Variants in TP63 observed in about 807,000 individuals in gnomAD.
TP63 encodes the protein tumor protein 63.
TP63 carries 17 observed loss-of-function variants against 82.8 expected under a neutral mutation model. That is an observed-to-expected ratio of 0.21 (90% confidence interval 0.14 to 0.31). TP63 has a LOEUF of 0.31. Ranked by LOEUF, TP63 falls within the 10% of genes least tolerant of loss-of-function variation. The pLI is 1.00. For missense variants in TP63, 648 were observed against 895.3 expected (o/e 0.72, Z 3.52); for synonymous variants, 330 against 321.7 (o/e 1.03, Z -0.28).
intron 10 of TP63, among the ~76,000 whole-genome samples, chr3:189,879,484 A>T (rs1023002357): frequency 6.6e-5 from 10 of 152,218 alleles, no homozygotes; most frequent in Admixed American, 1.3e-4. Flanking sequence ...TACTCATTAA[A>T]CAGTTCTTTG....
intron 3 of TP63, among the ~76,000 whole-genome samples, chr3:189,772,859 G>A (rs931528679): frequency 6.6e-6 from 1 of 152,170 alleles, no homozygotes; most frequent in African/African-American, 2.4e-5. Flanking sequence ...CTTCAAGGAA[G>A]AAATAAGCAG....
chr3:189,730,754 CT>C (rs1233039483), intron 1 of TP63, among the ~76,000 whole-genome samples: 1 of 152,126 alleles, frequency 6.6e-6, no homozygotes, highest in African/African-American at 2.4e-5. Context: ...GAGATTTCTC[CT>C]GCAACATTCT....
intron 1 of TP63, among the ~76,000 whole-genome samples, chr3:189,724,376 C>T (rs549783962): frequency 6.6e-6 from 1 of 152,140 alleles, no homozygotes; most frequent in Non-Finnish European, 1.5e-5. Flanking sequence ...TGTTTGGTTA[C>T]ATAAGTAAGT....
the TP63 span, among the ~76,000 whole-genome samples, chr3:189,602,048 T>C: frequency 6.6e-6 from 1 of 152,178 alleles, no homozygotes; most frequent in Non-Finnish European, 1.5e-5. Flanking sequence ...GTGTGGCTTC[T>C]AGCTTACTTC....
At chr3:189,698,191 G>A (rs1717535544) in intron 1 of TP63, among the ~76,000 whole-genome samples, 1 of 152,036 alleles carries the variant, frequency 6.6e-6, no homozygotes, top group African/African-American at 2.4e-5. Flanking sequence ...ATGTCAAGTT[G>A]AGGAATTTCT....
At chr3:189,852,076 A>C (rs1715705388) in intron 4 of TP63, among the ~76,000 whole-genome samples, 1 of 152,246 alleles carries the variant, frequency 6.6e-6, no homozygotes, top group African/African-American at 2.4e-5. Context: ...TACTCAGTTA[A>C]GACTACATGA....
chr3:189,665,548 T>C (rs1317872092), intron 1 of TP63, among the ~76,000 whole-genome samples: 1 of 152,070 alleles, frequency 6.6e-6, no homozygotes, highest in African/African-American at 2.4e-5. Flanking sequence ...TGAGGGGATA[T>C]ATCTGAAGGC....
At chr3:189,781,266 G>A (rs1724208221) in intron 3 of TP63, among the ~76,000 whole-genome samples, 2 of 152,174 alleles carry the variant, frequency 1.3e-5, no homozygotes. Context: ...CCTGAACAGT[G>A]TAGCAGAGAG....
chr3:189,875,613 T>TATATATATACACACACAC (rs1553859700), intron 10 of TP63, among the ~76,000 whole-genome samples: 2 of 105,506 alleles, frequency 1.9e-5, no homozygotes, highest in Non-Finnish European at 3.8e-5. Flanking sequence ...TATATATATA[T>TATATATATACACACACAC]ATATATATAT....
intron 1 of TP63, among the ~76,000 whole-genome samples, chr3:189,703,678 G>A (rs1717990305): frequency 6.6e-6 from 1 of 152,134 alleles, no homozygotes; most frequent in South Asian, 2.1e-4. Flanking sequence ...AAGCCAGAAA[G>A]TGCACTAACA....
the TP63 span, among the ~76,000 whole-genome samples, chr3:189,617,860 G>A: frequency 6.6e-6 from 1 of 152,188 alleles, no homozygotes; most frequent in South Asian, 2.1e-4. Flanking sequence ...TGACAACTAA[G>A]TGGGTCTTCA....
At chr3:189,887,284 A>T (rs562054565) in intron 11 of TP63, among the ~76,000 whole-genome samples, 13 of 152,240 alleles carry the variant, frequency 8.5e-5, no homozygotes, top group African/African-American at 2.9e-4. Flanking sequence ...ATTACAAAGA[A>T]GTTACTTCTC....
At chr3:189,691,575 A>G (rs919245088) in intron 1 of TP63, among the ~76,000 whole-genome samples, 1 of 152,126 alleles carries the variant, frequency 6.6e-6, no homozygotes, top group African/African-American at 2.4e-5. Context: ...ATATGTCTCA[A>G]GATATTTCCA....
At chr3:189,759,894 G>A (rs115092314) in intron 3 of TP63, among the ~76,000 whole-genome samples, 7,360 of 152,268 alleles carry the variant, frequency 0.048, 355 homozygotes, top group East Asian at 0.25. Context: ...GAGGCCTCAC[G>A]ATCATGGTGG....
chr3:189,610,123 TC>T, the TP63 span, among the ~76,000 whole-genome samples: 141 of 152,288 alleles, frequency 9.3e-4, no homozygotes, highest in Admixed American at 2.3e-3. Flanking sequence ...TCTCTAATGA[TC>T]AGTGATATTG....
At chr3:189,640,557 C>G (rs1441626631) in intron 1 of TP63, among the ~76,000 whole-genome samples, 3 of 152,044 alleles carry the variant, frequency 2.0e-5, no homozygotes, top group Admixed American at 2.0e-4. Flanking sequence ...TCATTTTTTT[C>G]TTGCTGAACA....
intron 1 of TP63, among the ~76,000 whole-genome samples, chr3:189,645,035 C>T (rs1712285169): frequency 6.6e-6 from 1 of 151,958 alleles, no homozygotes; most frequent in African/African-American, 2.4e-5. Context: ...CCTCGATATT[C>T]AGACATCCTA....
At chr3:189,749,151 CA>C (rs111879620) in intron 3 of TP63, among the ~76,000 whole-genome samples, 30 of 148,186 alleles carry the variant, frequency 2.0e-4, no homozygotes, top group Admixed American at 1.1e-3. Flanking sequence ...AAAGAACAGA[CA>C]AAAAAAAATA....
intron 1 of TP63, among the ~76,000 whole-genome samples, chr3:189,646,552 A>G (rs866768542): frequency 3.4e-5 from 5 of 147,118 alleles, no homozygotes; most frequent in Non-Finnish European, 7.4e-5. Context: ...TATTCAATAA[A>G]TGTCTAATTT....
Sources: allele counts gnomAD v4.1 joint callset (sites outside exome capture counted in the v4.1 genomes callset), GRCh38; gene constraint gnomAD v4.1.1; transcripts MANE v1.5; gene names NCBI Gene and HGNC (gene_info 2026-07-23, HGNC 2026-07-21).